RHEX: variants seen among roughly 807,000 people sequenced by gnomAD.
RHEX encodes the protein regulator of hemoglobinization and erythroid cell expansion protein.
In RHEX, 18 loss-of-function variants were observed where a neutral mutation model predicts 20.1. That is an observed-to-expected ratio of 0.90 (90% CI 0.62 to 1.33). The LOEUF (loss-of-function observed/expected upper bound fraction) is 1.33. Among genes scored for constraint, RHEX ranks in the 40% most tolerant of loss-of-function variants. The probability of loss-of-function intolerance (pLI) is 0.00; values close to 1 mark genes in which losing one functional copy is unlikely to be tolerated. For missense variants in RHEX, 192 were observed against 214.3 expected, an observed-to-expected ratio of 0.90 and a Z score of 0.65; for synonymous variants, 87 against 77.1, an observed-to-expected ratio of 1.13 and a Z score of -0.67.
chr1:206,099,859 C>A, intron 4 of RHEX, 61 bp downstream of exon 4: 1 of 1,536,774 alleles, frequency 6.5e-7, no homozygotes, highest in Non-Finnish European at 8.9e-7. Context: ...TCTGGACACC[C>A]AGGACCTCCC....
intron 4 of RHEX, 57 bp from the exon 5 acceptor site, chr1:206,101,079 C>G: frequency 2.2e-6 from 3 of 1,389,162 alleles, no homozygotes; most frequent in Non-Finnish European, 3.0e-6. Context: ...TGTCTCTATC[C>G]TCTCTTAACA....
intron 1 of RHEX, among the ~76,000 whole-genome samples, chr1:206,097,165 G>A (rs1430198644): frequency 2.0e-5 from 3 of 152,136 alleles, no homozygotes; most frequent in Non-Finnish European, 4.4e-5. Context: ...GGACTCTGAG[G>A]AGGTGAGAGA....
chr1:206,062,432 A>T (rs1285319594), intron 1 of RHEX, among the ~76,000 whole-genome samples: 5 of 152,152 alleles, frequency 3.3e-5, no homozygotes, highest in African/African-American at 1.2e-4. Context: ...GCCCCTCCTG[A>T]GGCAAAAGGG....
At chr1:206,058,366 T>C (rs1271637007) in intron 1 of RHEX, among the ~76,000 whole-genome samples, 1 of 152,166 alleles carries the variant, frequency 6.6e-6, no homozygotes, top group African/African-American at 2.4e-5. Context: ...CGAAAATACA[T>C]AAGTAGCAAA....
chr1:206,095,653 C>T (rs1663049884), intron 1 of RHEX, among the ~76,000 whole-genome samples: 1 of 152,068 alleles, frequency 6.6e-6, no homozygotes, highest in Non-Finnish European at 1.5e-5. Context: ...CCCGTCTCTA[C>T]TGAAAATACA....
chr1:206,055,478 A>G (rs1167066786), intron 1 of RHEX, among the ~76,000 whole-genome samples: 1 of 148,698 alleles, frequency 6.7e-6, no homozygotes, highest in African/African-American at 2.5e-5. Context: ...CAGAGGAAGG[A>G]AAAAAAAAAT....
rs1662781615 is a variant in RHEX at position 206,083,711 on chromosome 1, G to A, written c.-96-14022G>A. On this transcript the variant is annotated intron_variant, in intron 1 of 5. Coordinates refer to ENST00000331555, the MANE Select transcript of RHEX (RefSeq NM_001007544.4). ...GTTTGAAGTGTGCATTTGTTTGCGA[G>A]CATATATGTGTAGAAGTTTTAGAGA... is the stretch of plus-strand genomic sequence containing the variant. 4 of 870,444 alleles carry A rather than the reference G, an allele frequency of 4.6e-6. 1 individual carries two copies. The Admixed American group carries it at 2.5e-4, about 54-fold the overall frequency. The allele number at this position is 870,444 out of a possible 1,614,324, so 53.9% of individuals were successfully genotyped here. A position where few individuals can be genotyped will look rare whatever the true frequency, so the allele number is the denominator to read the frequency against.
chr1:206,066,228 T>C (rs868982069), intron 1 of RHEX, among the ~76,000 whole-genome samples: 4 of 152,264 alleles, frequency 2.6e-5, no homozygotes, highest in Non-Finnish European at 4.4e-5. Flanking sequence ...ATCTCTTATC[T>C]ATTAACTAGA....
rs1424938470 is a variant in RHEX, at chr1:206,053,262, C to T, written c.-100C>T. ...GCACTTGGAGTCCGGACATCTGAAACTTGGTAAGACTAGTCTTTGGAACTT... is the reference window on the plus strand; with the variant it reads ...GCACTTGGAGTCCGGACATCTGAAATTTGGTAAGACTAGTCTTTGGAACTT... On this transcript the variant is annotated 5_prime_UTR_variant, in exon 1 of 6. Coordinates refer to ENST00000331555, the MANE Select transcript of RHEX (RefSeq NM_001007544.4). 6 of 152,812 alleles carry T rather than the reference C, an allele frequency of 3.9e-5. No individual in the cohort carries two copies. The highest frequency in any genetic ancestry group is 1.4e-4 in the African/African-American group (6 of 41,470). The allele number at this position is 152,812 out of a possible 1,614,324, so 9.5% of individuals were successfully genotyped here.
intron 1 of RHEX, among the ~76,000 whole-genome samples, chr1:206,090,202 CTTTTTTTTTT>C (rs59499927): frequency 3.6e-5 from 4 of 112,590 alleles, no homozygotes; most frequent in Non-Finnish European, 5.4e-5. Context: ...TCTTTTCTTT[CTTTTTTTTTT>C]TTTTTTTTTT....
intron 4 of RHEX, 21 bp from the exon 5 acceptor site, chr1:206,101,115 A>T: frequency 6.2e-7 from 1 of 1,605,752 alleles, no homozygotes; most frequent in Non-Finnish European, 8.5e-7. Context: ...TGGAAGAGGA[A>T]CCGTTTCTAT....
chr1:206,091,394 G>A (rs1377704773), intron 1 of RHEX, among the ~76,000 whole-genome samples: 1 of 152,084 alleles, frequency 6.6e-6, no homozygotes, highest in South Asian at 2.1e-4. Flanking sequence ...TTACCATTTT[G>A]TCAGATACTG....
intron 1 of RHEX, chr1:206,083,776 T>C (rs1662783116): frequency 2.9e-6 from 1 of 342,684 alleles, no homozygotes; most frequent in Non-Finnish European, 4.1e-6. Context: ...GGGTGCGGAA[T>C]TCCACTTGCA....
chr1:206,096,775 T>G (rs1227514075), intron 1 of RHEX, among the ~76,000 whole-genome samples: 1 of 143,220 alleles, frequency 7.0e-6, no homozygotes, highest in African/African-American at 2.9e-5. Context: ...GTTTTTTTTT[T>G]TTTTGGTTTT....
intron 1 of RHEX, among the ~76,000 whole-genome samples, chr1:206,054,709 T>C (rs1376257013): frequency 1.3e-5 from 2 of 152,224 alleles, no homozygotes; most frequent in Non-Finnish European, 2.9e-5. Context: ...ACATGAAAAA[T>C]TGGATAAATA....
chr1:206,059,402 G>T (rs183557862), intron 1 of RHEX, among the ~76,000 whole-genome samples: 4 of 152,232 alleles, frequency 2.6e-5, no homozygotes, highest in Admixed American at 2.6e-4. Context: ...TGTAAAACTT[G>T]GTACTTTTGT....
intron 1 of RHEX, among the ~76,000 whole-genome samples, chr1:206,057,777 G>A (rs955931393): frequency 6.6e-6 from 1 of 152,230 alleles, no homozygotes; most frequent in African/African-American, 2.4e-5. Context: ...ACGATGAATG[G>A]CCCCCTGAAA....
chr1:206,089,088 A>C (rs572699709), intron 1 of RHEX, among the ~76,000 whole-genome samples: 4 of 152,182 alleles, frequency 2.6e-5, no homozygotes, highest in Non-Finnish European at 5.9e-5. Flanking sequence ...GACAAGTTCT[A>C]TTTAGAAATA....
intron 1 of RHEX, among the ~76,000 whole-genome samples, chr1:206,089,783 T>G (rs1662910500): frequency 6.6e-6 from 1 of 152,106 alleles, no homozygotes; most frequent in Admixed American, 6.5e-5. Flanking sequence ...GAAGTTCTAA[T>G]AGTTTAAAGC....
Sources: allele counts gnomAD v4.1 joint callset (sites outside exome capture counted in the v4.1 genomes callset), GRCh38; gene constraint gnomAD v4.1.1; transcripts MANE v1.5; gene names NCBI Gene and HGNC (gene_info 2026-07-23, HGNC 2026-07-21).